The following KDM5A variants were observed in gnomAD, a reference collection of about 807,000 sequenced individuals.
The protein encoded by KDM5A is lysine demethylase 5A, also known as lysine-specific demethylase 5A.
In KDM5A, 42 loss-of-function variants were observed where a neutral mutation model predicts 193.5. The observed-to-expected ratio is 0.22, with a 90% CI of 0.17 to 0.28. The LOEUF is 0.28. Ranked by LOEUF, KDM5A falls within the 10% of genes least tolerant of loss-of-function variation. The pLI is 1.00. For missense variants in KDM5A, 1,692 were observed against 2,055.1 expected, an observed-to-expected ratio of 0.82 and a Z score of 3.42; for synonymous variants, 796 against 718.1, an observed-to-expected ratio of 1.11 and a Z score of -1.73.
chr12:288,693 A>G (rs977847534), intron 27 of KDM5A, among the ~76,000 whole-genome samples: 2 of 152,234 alleles, frequency 1.3e-5, no homozygotes, highest in African/African-American at 4.8e-5. Flanking sequence ...CAAGTTTCCT[A>G]GCAAAAGCTG....
chr12:389,255 TGTTA>T lies in KDM5A; in HGVS notation c.-168_-165del, dbSNP rs748188717. The T allele has an allele frequency of 2.9e-5, 22 of 758,600 alleles. No individual in the cohort carries two copies. The South Asian group carries it at 3.0e-4, about 10-fold the overall frequency. 47.0% of individuals were successfully genotyped at this position (758,600 alleles called of 1,614,324 possible). A position where few individuals can be genotyped will look rare whatever the true frequency, so the allele number is the denominator to read the frequency against. ...CCCAGAATCGCTTCCTCCTCCCGTT[TGTTA>T]TTGTTTCTTGCAAGGCTTTTCCACT... On this transcript the variant is annotated 5_prime_UTR_variant, in exon 1 of 28. Transcript: ENST00000399788.
chr12:344,397 AT>A (rs1333098645), intron 10 of KDM5A, among the ~76,000 whole-genome samples: 1 of 152,216 alleles, frequency 6.6e-6, no homozygotes, highest in Non-Finnish European at 1.5e-5. Context: ...CAACATTCAA[AT>A]TCAGGAAATA....
At chr12:372,481 G>A (rs1383233216) in intron 3 of KDM5A, among the ~76,000 whole-genome samples, 2 of 152,166 alleles carry the variant, frequency 1.3e-5, no homozygotes, top group Non-Finnish European at 2.9e-5. Context: ...TCAGCTTTAG[G>A]AGATTTTGGG....
intron 3 of KDM5A, among the ~76,000 whole-genome samples, chr12:367,846 T>G (rs1712670259): frequency 6.6e-6 from 1 of 151,718 alleles, no homozygotes; most frequent in African/African-American, 2.4e-5. Flanking sequence ...TGGCTGATCC[T>G]GTCTCAAGTG....
rs1943738871 is a variant in KDM5A at position 323,072 on chromosome 12, G to A, written c.2275+10C>T. 1 of 1,613,184 alleles carries A rather than the reference G, an allele frequency of 6.2e-7. No individual in the cohort carries two copies. Among genetic ancestry groups the A allele is most frequent in the Non-Finnish European group, 8.5e-7 (1 of 1,179,614 alleles). On this transcript the variant is annotated intron_variant, in intron 16 of 27. Coordinates refer to ENST00000399788, the MANE Select transcript of KDM5A (RefSeq NM_001042603.3). ...ATTCAGTATATGCATACAAAAGAAG[G>A]AAATTTAACCTTTTTTGTGGTTGAA...
At chr12:350,255 G>A (rs1417892959) in intron 10 of KDM5A, among the ~76,000 whole-genome samples, 1 of 151,980 alleles carries the variant, frequency 6.6e-6, no homozygotes, top group African/African-American at 2.4e-5. Context: ...TGTCCAACAT[G>A]GTGAAACCCT....
intron 14 of KDM5A, among the ~76,000 whole-genome samples, chr12:325,326 T>C (rs961708393): frequency 6.6e-6 from 1 of 152,294 alleles, no homozygotes; most frequent in African/African-American, 2.4e-5. Context: ...CTTCAAGAAA[T>C]TTTATACCAT....
intron 13 of KDM5A, among the ~76,000 whole-genome samples, chr12:331,205 T>C (rs1375546147): frequency 2.0e-5 from 3 of 152,156 alleles, no homozygotes; most frequent in Non-Finnish European, 4.4e-5. Flanking sequence ...GGTAGAATAC[T>C]TGAAATTATC....
intron 10 of KDM5A, among the ~76,000 whole-genome samples, chr12:349,501 T>C (rs748716452): frequency 2.0e-5 from 3 of 151,764 alleles, no homozygotes; most frequent in Non-Finnish European, 4.4e-5. Context: ...GGCTAATTTT[T>C]GTATTTTTAG....
intron 24 of KDM5A, among the ~76,000 whole-genome samples, chr12:301,179 G>A (rs1256951946): frequency 6.6e-6 from 1 of 152,168 alleles, no homozygotes; most frequent in African/African-American, 2.4e-5. Flanking sequence ...CTCATTTCAT[G>A]AGGCCAGGAT....
At chr12:292,557 T>C (rs921609934) in intron 27 of KDM5A, among the ~76,000 whole-genome samples, 1 of 152,262 alleles carries the variant, frequency 6.6e-6, no homozygotes, top group African/African-American at 2.4e-5. Flanking sequence ...ATTAAGTATA[T>C]GATTTTTGAA....
chr12:342,021 CA>C (rs762126605), intron 10 of KDM5A, among the ~76,000 whole-genome samples: 2 of 151,550 alleles, frequency 1.3e-5, no homozygotes, highest in Non-Finnish European at 2.9e-5. Flanking sequence ...ACAGACTAAA[CA>C]ATCAAAAAGC....
intron 2 of KDM5A, 117 bp downstream of exon 2, chr12:385,780 T>C (rs1357181998): frequency 1.4e-5 from 11 of 795,648 alleles, no homozygotes; most frequent in Non-Finnish European, 2.2e-5. Context: ...AACTATTCCA[T>C]TCAATACCAA....
intron 10 of KDM5A, among the ~76,000 whole-genome samples, chr12:339,625 T>C (rs1381254849): frequency 6.6e-6 from 1 of 152,198 alleles, no homozygotes. Flanking sequence ...AGCAAAATAA[T>C]TCCAACAAGT....
chr12:388,374 T>C lies in KDM5A; in HGVS notation c.165+553A>G, dbSNP rs578130992. 25 of 445,254 alleles carry C rather than the reference T, an allele frequency of 5.6e-5. 1 individual carries two copies. The highest frequency in any genetic ancestry group is 3.9e-4 in the South Asian group (25 of 63,584). 27.6% of individuals were successfully genotyped at this position (445,254 alleles called of 1,614,324 possible). On this transcript the variant is annotated intron_variant, in intron 1 of 27. Transcript: ENST00000399788. ...ACCTCCACTATAAACCAATTTTTCC[T>C]AAACCTCTAAATTTTAGAATTATTG...
At chr12:298,849 A>G (rs1160716704) in intron 24 of KDM5A, among the ~76,000 whole-genome samples, 4 of 152,044 alleles carry the variant, frequency 2.6e-5, no homozygotes, top group Non-Finnish European at 5.9e-5. Flanking sequence ...TTTAGAAAAG[A>G]ACATAAATGA....
At chr12:365,684 T>TG (rs1343021157) in intron 4 of KDM5A, among the ~76,000 whole-genome samples, 1 of 152,226 alleles carries the variant, frequency 6.6e-6, no homozygotes, top group Non-Finnish European at 1.5e-5. Flanking sequence ...GAAAAATTCA[T>TG]GAAACAAACA....
At chr12:356,680 A>G (rs1944233247) in intron 5 of KDM5A, 143 bp from the exon 6 acceptor site, 2 of 662,554 alleles carry the variant, frequency 3.0e-6, no homozygotes, top group Non-Finnish European at 5.4e-6. Flanking sequence ...TCACTGCCTC[A>G]TTACCACAGT....
Position 293,073 on chromosome 12 carries a change from C to T in KDM5A, c.4552G>A (p.Gly1518Arg), listed in dbSNP as rs771944008. The T allele has an allele frequency of 6.3e-7, 1 of 1,586,820 alleles. No individual in the cohort carries two copies. The highest frequency in any genetic ancestry group is 8.5e-7 in the Non-Finnish European group (1 of 1,173,046). Residue 1518 changes from glycine (G) to arginine (R), a missense_variant, in exon 27 of 28, where the codon GGA becomes AGA. Physicochemically the swap from Gly to Arg is moderately radical, Grantham distance 125 (BLOSUM62 -2). Coordinates refer to ENST00000399788, the MANE Select transcript of KDM5A (RefSeq NM_001042603.3). ...RKLEKVEQLF[G>R]EGKQKSKELK... is the part of the protein sequence containing the mutation. ...TCCTTGGACTTCTGTTTTCCTTCTC[C>T]AAAAAGTTGCTCTACCTTTTCTAGC... is the stretch of plus-strand genomic sequence containing the variant.
Sources: allele counts gnomAD v4.1 joint callset (sites outside exome capture counted in the v4.1 genomes callset), GRCh38; gene constraint gnomAD v4.1.1; transcripts MANE v1.5; gene names NCBI Gene and HGNC (gene_info 2026-07-23, HGNC 2026-07-21).